Variants in DMD observed in about 807,000 individuals in gnomAD.
DMD encodes the protein mutant dystrophin.
A neutral mutation model predicts 330.1 loss-of-function variants in DMD; 63 were observed. That is an observed-to-expected ratio of 0.19 (90% confidence interval 0.16 to 0.24). DMD has a LOEUF of 0.24. Ranked by LOEUF, DMD falls within the 10% of genes least tolerant of loss-of-function variation. DMD has a pLI of 1.00. For synonymous variants in DMD, 1,223 were observed against 959.8 expected, an observed-to-expected ratio of 1.27 and a Z score of -5.07; for missense variants, 3,344 against 2,684.1, an observed-to-expected ratio of 1.25 and a Z score of -5.43.
At chrX:32,394,470 C>T (rs1242548299) in intron 30 of DMD, among the ~76,000 whole-genome samples, 1 of 112,093 alleles carries the variant, frequency 8.9e-6, no homozygotes, top group African/African-American at 3.2e-5. Context: ...CTGAGAAATT[C>T]TCATTTCTTC....
chrX:33,035,737 G>A (rs2094193894), intron 1 of DMD, among the ~76,000 whole-genome samples: 1 of 111,349 alleles, frequency 9.0e-6, no homozygotes, highest in African/African-American at 3.3e-5. Flanking sequence ...GTTTTCACAG[G>A]ATATAAAAAA....
intron 52 of DMD, among the ~76,000 whole-genome samples, chrX:31,721,714 C>CTA (rs1381619508): frequency 9.2e-4 from 56 of 60,685 alleles, no homozygotes; most frequent in Non-Finnish European, 1.2e-3. Flanking sequence ...CTCTCTCTCT[C>CTA]TCTCTATATA....
rs1012569626 is a variant in DMD, at chrX:32,489,073, T to A, written c.2622+2204A>T. 3.6e-5 allele frequency among the ~76,000 whole-genome samples: 4 copies of A among 111,406 alleles called. No homozygotes were observed. The Admixed American group carries it at 3.9e-4, about 11-fold the overall frequency. ...TCCCTGTTACTCATTCTCCCAAAGC[T>A]TTGCATCTTAGTTTAAACCACTGTT... On this transcript the variant is annotated intron_variant, in intron 20 of 78. Transcript: ENST00000357033.
chrX:32,513,185 C>T, intron 18 of DMD, among the ~76,000 whole-genome samples: 1 of 108,222 alleles, frequency 9.2e-6, no homozygotes, highest in South Asian at 3.8e-4. Flanking sequence ...AACCAGAGAA[C>T]ATCAGACTGG....
intron 1 of DMD, among the ~76,000 whole-genome samples, chrX:33,228,278 A>AGT (rs60369848): frequency 0.033 from 3,108 of 93,429 alleles, 146 homozygotes; most frequent in African/African-American, 0.11. Context: ...CCCAAGTTTA[A>AGT]GTGTGTGTGT....
chrX:32,560,663 C>A (rs969499549), intron 16 of DMD, among the ~76,000 whole-genome samples: 1 of 111,424 alleles, frequency 9.0e-6, no homozygotes, highest in Admixed American at 9.6e-5. Context: ...TTGTTCAGCT[C>A]CTACTTATAA....
intron 13 of DMD, among the ~76,000 whole-genome samples, chrX:32,582,563 T>C (rs1220240063): frequency 7.1e-5 from 8 of 111,912 alleles, no homozygotes; most frequent in African/African-American, 2.6e-4. Flanking sequence ...ATCCAGAGAA[T>C]AGATGAAATC....
intron 7 of DMD, among the ~76,000 whole-genome samples, chrX:32,720,247 C>T (rs2066150330): frequency 9.0e-6 from 1 of 110,826 alleles, no homozygotes; most frequent in Non-Finnish European, 1.9e-5. Context: ...ACAATATGAA[C>T]TCCTAGAAGA....
intron 29 of DMD, among the ~76,000 whole-genome samples, chrX:32,419,512 G>C (rs1477516931): frequency 1.8e-5 from 2 of 111,503 alleles, no homozygotes; most frequent in Admixed American, 1.9e-4. Context: ...GGATATAGGC[G>C]GTAAATAATT....
rs1277730242 is a variant in DMD at position 32,348,351 on chromosome X, C to A, written c.5448+55G>T. The A allele has an allele frequency of 3.5e-6, 4 of 1,144,671 alleles. No individual in the cohort carries two copies. In the African/African-American group the frequency reaches 5.4e-5, roughly 15 times the overall value. The allele number at this position is 1,144,671 out of a possible 1,213,427, so 94.3% of individuals were successfully genotyped here. On this transcript the variant is annotated intron_variant, in intron 38 of 78. Coordinates refer to ENST00000357033, the MANE Select transcript of DMD (RefSeq NM_004006.3). ...AGTTGGAGACTTATCTAAGTTCTTT[C>A]CAAATATTTATTTCCACTCCTAGTT... is the stretch of plus-strand genomic sequence containing the variant.
At chrX:31,286,925 C>A (rs747004917) in intron 62 of DMD, among the ~76,000 whole-genome samples, 44 of 111,998 alleles carry the variant, frequency 3.9e-4, no homozygotes, top group African/African-American at 1.4e-3. Flanking sequence ...GCCGCCATGC[C>A]CGGCTAAGTT....
intron 55 of DMD, among the ~76,000 whole-genome samples, chrX:31,593,981 A>G (rs191773618): frequency 9.0e-6 from 1 of 111,500 alleles, no homozygotes; most frequent in East Asian, 2.8e-4. Flanking sequence ...AAAAATGACT[A>G]AACGATTTTT....
At chrX:31,231,452 A>G (rs1212920957) in intron 63 of DMD, among the ~76,000 whole-genome samples, 1 of 112,137 alleles carries the variant, frequency 8.9e-6, no homozygotes, top group African/African-American at 3.2e-5. Context: ...CCTTTCATCT[A>G]TCCTTTCAAT....
Position 32,896,843 on chromosome X carries a change from T to A in DMD, c.94-47023A>T, listed in dbSNP as rs6631666. On this transcript the variant is annotated intron_variant, in intron 2 of 78. Transcript: ENST00000357033. ...ATCACAGCTGCAAGGAAAATATTTT[T>A]CAGATTCAAAGATTCAACAACACTG... Among the ~76,000 whole-genome samples the A allele has an allele frequency of 4.3e-3, 485 of 112,439 alleles. 13 individuals are homozygous for A. In the East Asian group the frequency reaches 0.092, roughly 21 times the overall value.
chrX:32,404,329 C>T (rs73463876), intron 30 of DMD, among the ~76,000 whole-genome samples: 2,886 of 111,474 alleles, frequency 0.026, 98 homozygotes, highest in African/African-American at 0.082. Flanking sequence ...GAACACCTGA[C>T]GTCCTAGCTT....
At chrX:33,179,664 A>C (rs960699660) in intron 1 of DMD, among the ~76,000 whole-genome samples, 1 of 106,209 alleles carries the variant, frequency 9.4e-6, no homozygotes, top group African/African-American at 3.5e-5. Context: ...ACTGCACTCT[A>C]GCCTGGGTGA....
intron 43 of DMD, 95 bp from the exon 44 acceptor site, chrX:32,217,158 G>T: frequency 1.2e-6 from 1 of 861,591 alleles, no homozygotes; most frequent in Non-Finnish European, 1.7e-6. Context: ...TACTGACAAA[G>T]ATATCACTCT....
intron 44 of DMD, among the ~76,000 whole-genome samples, chrX:32,208,750 C>T (rs1270258420): frequency 8.9e-6 from 1 of 111,939 alleles, no homozygotes; most frequent in African/African-American, 3.2e-5. Context: ...TAGCAGCAAG[C>T]AGTATCTGCT....
At chrX:31,199,484 C>T (rs967952385) in intron 67 of DMD, among the ~76,000 whole-genome samples, 6 of 111,942 alleles carry the variant, frequency 5.4e-5, no homozygotes. Flanking sequence ...ATGGATAATT[C>T]CTTGGAAGAC....
Sources: allele counts gnomAD v4.1 joint callset (sites outside exome capture counted in the v4.1 genomes callset), GRCh38; gene constraint gnomAD v4.1.1; transcripts MANE v1.5; gene names NCBI Gene and HGNC (gene_info 2026-07-23, HGNC 2026-07-21).